Variants in MAK observed in about 807,000 individuals in gnomAD.
MAK encodes the protein serine/threonine-protein kinase MAK.
A neutral mutation model predicts 82.6 loss-of-function variants in MAK; 65 were observed. That is an observed-to-expected ratio of 0.79 (90% CI 0.64 to 0.97). The LOEUF is 0.97. Ranked by LOEUF, MAK falls within the 50% of genes least tolerant of loss-of-function variation. The probability of loss-of-function intolerance (pLI) is 0.00; values close to 1 mark genes in which losing one functional copy is unlikely to be tolerated. For synonymous variants in MAK, 250 were observed against 274.2 expected (o/e 0.91, Z 0.87); for missense variants, 703 against 780.2 (o/e 0.90, Z 1.18).
chr6:10,799,813 C>T (rs9467582), intron 8 of MAK, among the ~76,000 whole-genome samples: 5,485 of 152,026 alleles, frequency 0.036, 300 homozygotes, highest in African/African-American at 0.12. Flanking sequence ...TTAGGGAGGC[C>T]GAGGTGGGTG....
At chr6:10,814,998 C>T (rs1777349401) in intron 4 of MAK, among the ~76,000 whole-genome samples, 1 of 151,094 alleles carries the variant, frequency 6.6e-6, no homozygotes, top group South Asian at 2.1e-4. Flanking sequence ...GATTACACCA[C>T]TTCACTCCAG....
chr6:10,792,316 A>G (rs561291247), intron 9 of MAK, among the ~76,000 whole-genome samples: 58 of 152,356 alleles, frequency 3.8e-4, no homozygotes, highest in African/African-American at 1.3e-3. Context: ...CTGTGGCCAC[A>G]GGAATGAAAG....
At position 10,763,300 on chromosome 6, in the gene MAK, A is replaced by G. The variant is rs1772108018; in HGVS notation, c.*1152T>C. On this transcript the variant is annotated 3_prime_UTR_variant, in exon 15 of 15. Transcript: ENST00000354489. ...CTTCATCTTTGTGTCTGGTAGGGAC[A>G]CAGAAACAAAACAATTTGAAAAGTC... The G allele has an allele frequency of 1.3e-5, 2 of 152,288 alleles. No homozygotes were observed. Among genetic ancestry groups the G allele is most frequent in the African/African-American group, 4.8e-5 (2 of 41,450 alleles). 9.4% of individuals were successfully genotyped at this position (152,288 alleles called of 1,614,324 possible). A position where few individuals can be genotyped will look rare whatever the true frequency, so the allele number is the denominator to read the frequency against.
Position 10,764,351 on chromosome 6 carries a change from C to T in MAK, c.*101G>A. The T allele has an allele frequency of 1.5e-6, 2 of 1,323,574 alleles. No individual in the cohort carries two copies. The highest frequency in any genetic ancestry group is 4.7e-5 in the East Asian group (2 of 42,124). The allele number at this position is 1,323,574 out of a possible 1,614,324, so 82.0% of individuals were successfully genotyped here. A position where few individuals can be genotyped will look rare whatever the true frequency, so the allele number is the denominator to read the frequency against. On this transcript the variant is annotated 3_prime_UTR_variant, in exon 15 of 15. Coordinates refer to ENST00000354489, the MANE Select transcript of MAK (RefSeq NM_001242957.3). Reference sequence around the variant, plus strand: ...AAGTACCCACTTTTGCATATTTCTTCCAGAACTCAGTAGAAATAGACATTT... The same window carrying T: ...AAGTACCCACTTTTGCATATTTCTTTCAGAACTCAGTAGAAATAGACATTT...
chr6:10,775,848 GTGTGATCT>G (rs1773421748), intron 11 of MAK, among the ~76,000 whole-genome samples: 1 of 152,128 alleles, frequency 6.6e-6, no homozygotes, highest in African/African-American at 2.4e-5. Flanking sequence ...GAGTGCCATG[GTGTGATCT>G]TGGCTCACTG....
At chr6:10,808,725 A>G in intron 6 of MAK, 85 bp downstream of exon 6, 1 of 1,290,772 alleles carries the variant, frequency 7.7e-7, no homozygotes, top group Non-Finnish European at 1.1e-6. Context: ...TTCAATATGG[A>G]ACTTCCAGAA....
chr6:10,818,190 C>G, intron 3 of MAK, among the ~76,000 whole-genome samples: 1 of 152,194 alleles, frequency 6.6e-6, no homozygotes, highest in East Asian at 1.9e-4. Context: ...ACATTTCAAT[C>G]TGTTACGTTT....
Position 10,773,106 on chromosome 6 carries a change from C to A in MAK, c.1600G>T (p.Glu534Ter), listed in dbSNP as rs926585713. The change falls in exon 13 of 15, where the codon GAA becomes TAA. Residue 534 changes from glutamate (E) to a stop codon, truncating the protein, a stop_gained and splice_region_variant. Transcript: ENST00000354489. LOFTEE classifies it high-confidence loss of function. ...TTTTCGATTGGTTTAATTATGCTTTCTTCTAAAGAGAAGACAGATGGAAAG... is the reference window on the plus strand; with the variant it reads ...TTTTCGATTGGTTTAATTATGCTTTATTCTAAAGAGAAGACAGATGGAAAG... The part of the protein sequence containing the change: ...ELAFKRSNAE[E>*]SIIKPIEKLS... 6.7e-6 allele frequency: 10 copies of A among 1,486,838 alleles called. No individual in the cohort carries two copies. In the African/African-American group the frequency reaches 1.4e-4, roughly 21 times the overall value. 92.1% of individuals were successfully genotyped at this position (1,486,838 alleles called of 1,614,324 possible).
intron 2 of MAK, 143 bp downstream of exon 2, chr6:10,830,405 C>T (rs1206396737): frequency 1.5e-6 from 1 of 674,846 alleles, no homozygotes; most frequent in Non-Finnish European, 2.7e-6. Context: ...ACCTCATGAT[C>T]CGCCCGCCTC....
intron 13 of MAK, among the ~76,000 whole-genome samples, chr6:10,771,902 T>C (rs896728482): frequency 1.3e-5 from 2 of 152,254 alleles, no homozygotes; most frequent in African/African-American, 4.8e-5. Context: ...AAGCAGTGAT[T>C]GCATTCACTA....
intron 10 of MAK, among the ~76,000 whole-genome samples, chr6:10,785,487 A>G (rs1774457638): frequency 1.3e-5 from 2 of 151,896 alleles, no homozygotes; most frequent in South Asian, 2.1e-4. Flanking sequence ...ACCAAACCCT[A>G]CTCACCAAGT....
chr6:10,777,865 C>A (rs1773596958), intron 11 of MAK, among the ~76,000 whole-genome samples: 1 of 152,104 alleles, frequency 6.6e-6, no homozygotes, highest in Non-Finnish European at 1.5e-5. Context: ...CTCGGACTCC[C>A]AACCTCAGGT....
chr6:10,826,154 T>C (rs1778352513), intron 2 of MAK, among the ~76,000 whole-genome samples: 1 of 152,132 alleles, frequency 6.6e-6, no homozygotes, highest in Non-Finnish European at 1.5e-5. Context: ...CTTCTTTCAG[T>C]TACTCAGCCC....
chr6:10,780,215 A>G lies in MAK; in HGVS notation c.1465+4209T>C, dbSNP rs925848649. ...AATTGAGTTTACTTTTTAAATCTCA[A>G]TTATAGCCATCCTTCTGATCCCAAG... is the stretch of plus-strand genomic sequence containing the variant. On this transcript the variant is annotated intron_variant, in intron 11 of 14. Coordinates refer to ENST00000354489, the MANE Select transcript of MAK (RefSeq NM_001242957.3). The G allele has an allele frequency of 3.1e-6, 3 of 961,952 alleles. No individual in the cohort carries two copies. The African/African-American group carries it at 5.3e-5, about 17-fold the overall frequency. 59.6% of individuals were successfully genotyped at this position (961,952 alleles called of 1,614,324 possible). A position where few individuals can be genotyped will look rare whatever the true frequency, so the allele number is the denominator to read the frequency against.
chr6:10,824,133 T>A (rs1192274072), intron 2 of MAK, among the ~76,000 whole-genome samples: 1 of 152,218 alleles, frequency 6.6e-6, no homozygotes, highest in Non-Finnish European at 1.5e-5. Context: ...AATCACTGTC[T>A]CATTCAGACT....
chr6:10,777,867 A>T (rs1047729692), intron 11 of MAK, among the ~76,000 whole-genome samples: 1 of 152,054 alleles, frequency 6.6e-6, no homozygotes, highest in Admixed American at 6.6e-5. Flanking sequence ...CGGACTCCCA[A>T]CCTCAGGTGA....
chr6:10,765,885 TCTGA>T (rs1290763739), intron 14 of MAK, among the ~76,000 whole-genome samples: 2 of 152,222 alleles, frequency 1.3e-5, no homozygotes, highest in Admixed American at 6.5e-5. Context: ...CATTCATATA[TCTGA>T]CTGTTTAAAA....
intron 6 of MAK, among the ~76,000 whole-genome samples, chr6:10,807,885 C>T (rs530682069): frequency 2.0e-5 from 3 of 151,886 alleles, no homozygotes; most frequent in Admixed American, 6.6e-5. Flanking sequence ...CTGGCTAACA[C>T]GGTGAAACCA....
At position 10,822,106 on chromosome 6, in the gene MAK, C is replaced by T. The variant is rs185179392; in HGVS notation, c.102-3166G>A. On this transcript the variant is annotated intron_variant, in intron 2 of 14. Transcript: ENST00000354489. ...AGCTTGCAGTGAGCTGAGATCGCAC[C>T]ACTGCACTCCAGCCTGGGCAACAGA... Among the ~76,000 whole-genome samples the T allele has an allele frequency of 9.9e-4, 140 of 141,822 alleles. 2 individuals carry two copies. In the East Asian group the frequency reaches 0.01, roughly 10 times the overall value. The allele number at this position is 141,822 out of a possible 152,430, so 93.0% of individuals were successfully genotyped here.
Sources: gnomAD v4.1 joint callset for allele counts (sites outside exome capture counted in the v4.1 genomes callset) on GRCh38, gnomAD v4.1.1 for gene constraint, MANE v1.5 for transcripts, NCBI Gene and HGNC (gene_info 2026-07-23, HGNC 2026-07-21) for gene names.